The following MILR1 variants were observed in gnomAD, a reference collection of about 807,000 sequenced individuals.
The protein encoded by MILR1 is mast cell immunoglobulin like receptor 1, also known as allergin-1.
In MILR1, 31 loss-of-function variants were observed where a neutral mutation model predicts 18.5. The ratio of observed to expected loss-of-function variants is 1.68; its 90% CI spans 1.26 to 2.26. The LOEUF is 2.26. MILR1 is among the 30% of genes most tolerant of loss of function. MILR1 has a pLI of 0.00. For missense variants in MILR1, 257 were observed against 157.4 expected (o/e 1.63, Z -3.38); for synonymous variants, 85 against 56.2 (o/e 1.51, Z -2.30).
In MILR1 at chr17:64,449,346, A is replaced by C; in HGVS notation, c.88A>C (p.Lys30Gln). 1 of 472,094 alleles carries C rather than the reference A, an allele frequency of 2.1e-6. No homozygotes were observed. The highest frequency in any genetic ancestry group is 3.9e-6 in the Non-Finnish European group (1 of 257,356). The allele number at this position is 472,094 out of a possible 1,614,324, so 29.2% of individuals were successfully genotyped here. The change falls in exon 2 of 10, where the codon AAA becomes CAA. Residue 30 changes from lysine (K) to glutamine (Q), a missense_variant. Coordinates refer to ENST00000619286, the MANE Select transcript of MILR1 (RefSeq NM_001085423.2). ...RKAVLDCEAM[K>Q]TNEFPSPCLD... Reference sequence around the variant, plus strand: ...AGCTGTATTGGATTGTGAGGCAATGAAAACAAATGGTAAGTTTCATTTACT... The same window carrying C: ...AGCTGTATTGGATTGTGAGGCAATGCAAACAAATGGTAAGTTTCATTTACT...
the MILR1 span, chr17:64,483,964 C>T: frequency 6.6e-6 from 1 of 152,244 alleles, no homozygotes; most frequent in South Asian, 2.1e-4. Flanking sequence ...ATCCACCCAC[C>T]TTGGCTTCCC....
the MILR1 span, chr17:64,496,993 C>T: frequency 1.9e-6 from 3 of 1,591,074 alleles, no homozygotes; most frequent in East Asian, 6.7e-5. Flanking sequence ...AAAGAGCACA[C>T]TCTCCCATCA....
downstream of MILR1, among the ~76,000 whole-genome samples, chr17:64,472,328 T>A (rs1251784303): frequency 6.6e-6 from 1 of 151,236 alleles, no homozygotes; most frequent in East Asian, 1.9e-4. Flanking sequence ...TTAGTTGGTG[T>A]GGTGGCACAT....
chr17:64,476,505 C>T, the MILR1 span, among the ~76,000 whole-genome samples: 4 of 151,896 alleles, frequency 2.6e-5, no homozygotes. Flanking sequence ...CATAGTGAGA[C>T]CCTGTCTCTT....
At chr17:64,491,999 G>C in the MILR1 span, among the ~76,000 whole-genome samples, 4 of 151,168 alleles carry the variant, frequency 2.6e-5, no homozygotes, top group South Asian at 2.1e-4. Context: ...AAAATACTGA[G>C]TATATTGCTT....
At chr17:64,485,710 C>A in the MILR1 span, 1 of 1,602,012 alleles carries the variant, frequency 6.2e-7, no homozygotes, top group Non-Finnish European at 8.6e-7. Context: ...AAGTCTATCT[C>A]TGAAATATCA....
downstream of MILR1, among the ~76,000 whole-genome samples, chr17:64,473,224 A>C (rs1260131957): frequency 6.6e-6 from 1 of 151,796 alleles, no homozygotes; most frequent in African/African-American, 2.4e-5. Context: ...GGTGGCGGGC[A>C]CCTGTAGTCC....
the MILR1 span, chr17:64,497,136 A>AGCCGTCCCCC: frequency 1.4e-6 from 1 of 718,322 alleles, no homozygotes; most frequent in Non-Finnish European, 2.4e-6. Flanking sequence ...TTCCGGCCGC[A>AGCCGTCCCCC]GCCGTCCCCC....
At chr17:64,483,144 G>C in the MILR1 span, 1 of 568,872 alleles carries the variant, frequency 1.8e-6, no homozygotes, top group African/African-American at 1.9e-5. Flanking sequence ...ACAGAAGTTA[G>C]CTGAGGTCAT....
At chr17:64,469,041 C>T (rs1195290608), downstream of MILR1, among the ~76,000 whole-genome samples, 3 of 151,160 alleles carry the variant, frequency 2.0e-5, no homozygotes, top group Middle Eastern at 3.4e-3. Context: ...GAGCCAAGAT[C>T]GCACCACAGC....
Position 64,467,552 on chromosome 17 carries a change from T to A in MILR1, c.980-13T>A. 6.8e-7 allele frequency: 1 copy of A among 1,472,840 alleles called. No homozygotes were observed. The highest frequency in any genetic ancestry group is 9.3e-7 in the Non-Finnish European group (1 of 1,076,072). The allele number at this position is 1,472,840 out of a possible 1,614,324, so 91.2% of individuals were successfully genotyped here. A position where few individuals can be genotyped will look rare whatever the true frequency, so the allele number is the denominator to read the frequency against. ...CATATCCTAAGTAAATTATTTTCCC[T>A]TTTATATTTCAGAAGCCTGTGATTC... is the stretch of plus-strand genomic sequence containing the variant. On this transcript the variant is annotated splice_polypyrimidine_tract_variant and intron_variant, in intron 8 of 9. Transcript: ENST00000619286.
chr17:64,467,514 G>T, intron 8 of MILR1, 51 bp from the exon 9 acceptor site: 1 of 1,159,592 alleles, frequency 8.6e-7, no homozygotes, highest in Admixed American at 2.4e-5. Context: ...TTTAAAAACA[G>T]CCTTGCTGGT....
At chr17:64,454,042 A>C (rs1205231165) in intron 3 of MILR1, among the ~76,000 whole-genome samples, 2 of 150,656 alleles carry the variant, frequency 1.3e-5, no homozygotes, top group Non-Finnish European at 3.0e-5. Flanking sequence ...CAATTCTCCC[A>C]CCTCAGCCTC....
rs1457050118 is a variant in MILR1, at chr17:64,465,432, A to T, written c.764-20A>T. The T allele has an allele frequency of 6.6e-7, 1 of 1,523,300 alleles. No homozygotes were observed. Among genetic ancestry groups the T allele is most frequent in the Non-Finnish European group, 9.0e-7 (1 of 1,107,060 alleles). The allele number at this position is 1,523,300 out of a possible 1,614,324, so 94.4% of individuals were successfully genotyped here. A position where few individuals can be genotyped will look rare whatever the true frequency, so the allele number is the denominator to read the frequency against. On this transcript the variant is annotated intron_variant, in intron 5 of 9. Transcript: ENST00000619286. ...GTGGCTGAATTGGTTTAATTTGATG[A>T]TTCCTACCTATTTACGTAGGAAAAG... is the stretch of plus-strand genomic sequence containing the variant.
the MILR1 span, chr17:64,483,117 T>C: frequency 3.4e-6 from 2 of 595,406 alleles, no homozygotes; most frequent in South Asian, 2.1e-5. Context: ...TTAACAGTTA[T>C]AATTTTCTGT....
the MILR1 span, among the ~76,000 whole-genome samples, chr17:64,494,885 A>G: frequency 2.0e-5 from 3 of 152,206 alleles, no homozygotes; most frequent in Admixed American, 6.5e-5. Flanking sequence ...AGAAACCAAG[A>G]TCTGGAGGCC....
At chr17:64,485,681 C>T in the MILR1 span, 1 of 1,462,646 alleles carries the variant, frequency 6.8e-7, no homozygotes, top group Non-Finnish European at 9.6e-7. Flanking sequence ...AACAAACAAA[C>T]CCATATTTTT....
At chr17:64,450,784 G>A (rs1352211928) in intron 2 of MILR1, among the ~76,000 whole-genome samples, 1 of 151,910 alleles carries the variant, frequency 6.6e-6, no homozygotes, top group Non-Finnish European at 1.5e-5. Context: ...ACCAGCCTTA[G>A]CTCCTCTTTT....
downstream of MILR1, among the ~76,000 whole-genome samples, chr17:64,472,063 A>G (rs947233038): frequency 2.0e-5 from 3 of 152,220 alleles, no homozygotes; most frequent in South Asian, 4.1e-4. Context: ...TGAAGTGGGG[A>G]GGACTTTTAT....
Sources: gnomAD v4.1 joint callset for allele counts (sites outside exome capture counted in the v4.1 genomes callset) on GRCh38, gnomAD v4.1.1 for gene constraint, MANE v1.5 for transcripts, NCBI Gene and HGNC (gene_info 2026-07-23, HGNC 2026-07-21) for gene names.